DCAF8L2: variants seen among roughly 807,000 people sequenced by gnomAD.
The protein encoded by DCAF8L2 is DDB1 and CUL4 associated factor 8 like 2.
For missense variants in DCAF8L2, 430 were observed against 490.7 expected (o/e 0.88, Z 1.17); for synonymous variants, 200 against 190.9 (o/e 1.05, Z -0.39).
At chrX:27,528,210 C>T in the DCAF8L2 span, among the ~76,000 whole-genome samples, 5 of 106,437 alleles carry the variant, frequency 4.7e-5, no homozygotes, top group African/African-American at 1.3e-4. Flanking sequence ...TAATTTACTA[C>T]AAGAAACAAT....
At chrX:27,490,344 A>G in the DCAF8L2 span, among the ~76,000 whole-genome samples, 3 of 112,568 alleles carry the variant, frequency 2.7e-5, no homozygotes, top group Non-Finnish European at 5.6e-5. Flanking sequence ...TTTTAAGAAA[A>G]ATAATTCAAT....
At chrX:27,695,635 A>G (rs756141285) in intron 3 of DCAF8L2, among the ~76,000 whole-genome samples, 3 of 111,767 alleles carry the variant, frequency 2.7e-5, no homozygotes, top group African/African-American at 9.7e-5. Flanking sequence ...AGTGCCTGGC[A>G]TAAAATAGTA....
the DCAF8L2 span, among the ~76,000 whole-genome samples, chrX:27,559,909 A>G: frequency 9.0e-6 from 1 of 110,909 alleles, no homozygotes; most frequent in East Asian, 2.8e-4. Flanking sequence ...CAGCCAGACT[A>G]TTTGCCACTG....
At chrX:27,491,922 C>T in the DCAF8L2 span, among the ~76,000 whole-genome samples, 23,433 of 111,360 alleles carry the variant, frequency 0.21, 2,268 homozygotes, top group East Asian at 0.37. Context: ...TATTGAAATA[C>T]AATTTACATA....
intron 2 of DCAF8L2, among the ~76,000 whole-genome samples, chrX:27,645,245 A>G (rs375422616): frequency 8.9e-6 from 1 of 112,232 alleles, no homozygotes; most frequent in East Asian, 2.8e-4. Flanking sequence ...CTTTATTCCC[A>G]ATATGCAAGG....
chrX:27,490,030 C>G, the DCAF8L2 span, among the ~76,000 whole-genome samples: 2 of 111,328 alleles, frequency 1.8e-5, no homozygotes, highest in Non-Finnish European at 3.8e-5. Context: ...GTGTGCACCA[C>G]CACACCCAGC....
chrX:27,475,045 A>G, the DCAF8L2 span, among the ~76,000 whole-genome samples: 1 of 111,969 alleles, frequency 8.9e-6, no homozygotes, highest in Non-Finnish European at 1.9e-5. Context: ...ATGGCACTCC[A>G]GGTGATCTTG....
the DCAF8L2 span, among the ~76,000 whole-genome samples, chrX:27,472,372 A>G: frequency 8.9e-6 from 1 of 111,915 alleles, no homozygotes; most frequent in Non-Finnish European, 1.9e-5. Flanking sequence ...ACCTCAAAGT[A>G]TAAATATTCT....
chrX:27,686,203 T>A (rs12014433), intron 3 of DCAF8L2, among the ~76,000 whole-genome samples: 10,278 of 110,626 alleles, frequency 0.093, 1,163 homozygotes, highest in African/African-American at 0.32. Context: ...AAAATAGATG[T>A]ATCATATGAT....
chrX:27,742,718 A>G (rs1164791796), intron 4 of DCAF8L2, among the ~76,000 whole-genome samples: 1 of 112,219 alleles, frequency 8.9e-6, no homozygotes, highest in Non-Finnish European at 1.9e-5. Context: ...TTAGACAGCT[A>G]TTTGATTTGT....
the DCAF8L2 span, among the ~76,000 whole-genome samples, chrX:27,536,166 T>G: frequency 3.6e-5 from 4 of 112,358 alleles, no homozygotes; most frequent in East Asian, 8.4e-4. Flanking sequence ...TCTTATTCGT[T>G]TAACATTCTA....
intron 1 of DCAF8L2, among the ~76,000 whole-genome samples, chrX:27,612,751 G>A (rs1927250931): frequency 9.0e-6 from 1 of 111,579 alleles, no homozygotes; most frequent in South Asian, 3.8e-4. Context: ...AGATCAGATG[G>A]TTGTAGATAT....
rs753715306 is a variant in DCAF8L2, at chrX:27,667,888, T to C, written c.-219-9948T>C. 2.7e-5 allele frequency among the ~76,000 whole-genome samples: 3 copies of C among 112,332 alleles called. No individual in the cohort carries two copies. In the East Asian group the frequency reaches 8.4e-4, roughly 31 times the overall value. On this transcript the variant is annotated intron_variant, in intron 2 of 4. Transcript: ENST00000451261. The stretch of plus-strand genomic sequence containing the variant: ...ATTTTACATATAAAAGGTACAGACT[T>C]CTATAGCATGAATTTGATCTCAAGT...
intron 4 of DCAF8L2, among the ~76,000 whole-genome samples, chrX:27,725,174 A>G (rs909018629): frequency 9.0e-6 from 1 of 111,063 alleles, no homozygotes; most frequent in Non-Finnish European, 1.9e-5. Context: ...AGAGAAAACT[A>G]TATAAGCCAA....
rs1006746708 is a variant in DCAF8L2, at chrX:27,747,482, G to T, written c.587G>T (p.Arg196Leu). ...CAGGTCGTTACTGCTCTTCACCAGC[G>T]GCAGCTGGGTTCACGTCCCCGCTTT... Reference protein sequence around the residue: ...RWQVVTALHQRQLGSRPRFVY... With the variant: ...RWQVVTALHQLQLGSRPRFVY... The change falls in exon 5 of 5, where the codon CGG (arginine) becomes CTG (leucine). Residue 196 changes from arginine to leucine, a missense_variant. Physicochemically the swap from Arg to Leu is moderately radical, Grantham distance 102 (BLOSUM62 -2). Transcript: ENST00000451261. The T allele has an allele frequency of 2.6e-6, 3 of 1,175,751 alleles. No homozygotes were observed. Among genetic ancestry groups the T allele is most frequent in the South Asian group, 1.9e-5 (1 of 53,161 alleles).
chrX:27,561,218 A>G, the DCAF8L2 span, among the ~76,000 whole-genome samples: 1 of 111,403 alleles, frequency 9.0e-6, no homozygotes, highest in African/African-American at 3.3e-5. Flanking sequence ...CAAGTCTTCT[A>G]TGTGCTAGCC....
At chrX:27,694,999 C>T (rs1238362567) in intron 3 of DCAF8L2, among the ~76,000 whole-genome samples, 1 of 112,059 alleles carries the variant, frequency 8.9e-6, no homozygotes, top group Non-Finnish European at 1.9e-5. Context: ...TTTTAAATTG[C>T]TCTTTTCTTT....
intron 1 of DCAF8L2, among the ~76,000 whole-genome samples, chrX:27,602,860 G>A (rs1024752532): frequency 4.5e-5 from 5 of 111,745 alleles, no homozygotes; most frequent in Non-Finnish European, 7.5e-5. Context: ...AAATGTAAAA[G>A]TAAAAATTAA....
At chrX:27,709,548 T>C (rs1419921065) in intron 3 of DCAF8L2, among the ~76,000 whole-genome samples, 3 of 112,005 alleles carry the variant, frequency 2.7e-5, no homozygotes, top group African/African-American at 9.7e-5. Flanking sequence ...TTTTCTTCCT[T>C]CCCTTTCCAC....
Sources: gnomAD v4.1 joint callset for allele counts (sites outside exome capture counted in the v4.1 genomes callset) on GRCh38, gnomAD v4.1.1 for gene constraint, MANE v1.5 for transcripts, NCBI Gene and HGNC (gene_info 2026-07-23, HGNC 2026-07-21) for gene names.